CNKSR2: variants seen among roughly 807,000 people sequenced by gnomAD.
CNKSR2 encodes CNK homolog protein 2.
Under a neutral mutation model 84.4 loss-of-function variants are expected in CNKSR2, and 14 were observed. The ratio of observed to expected loss-of-function variants is 0.17; its 90% confidence interval spans 0.11 to 0.26. CNKSR2 has a LOEUF of 0.26. Ranked by LOEUF, CNKSR2 falls within the 10% of genes least tolerant of loss-of-function variation. The pLI is 1.00. For synonymous variants in CNKSR2, 275 were observed against 277.9 expected (o/e 0.99, Z 0.10); for missense variants, 485 against 771.2 (o/e 0.63, Z 4.40).
intron 6 of CNKSR2, chrX:21,494,456 A>G (rs991559958): frequency 2.4e-4 from 27 of 112,202 alleles, no homozygotes; most frequent in African/African-American, 8.1e-4. Context: ...GCATAGAGCA[A>G]TTTATTGCAA....
chrX:21,427,332 T>TA (rs1908559455), intron 2 of CNKSR2: 1 of 112,318 alleles, frequency 8.9e-6, no homozygotes. Flanking sequence ...GGTCAAATGT[T>TA]AAACTTCCTT....
intron 15 of CNKSR2, chrX:21,594,039 A>G (rs2092436893): frequency 8.9e-6 from 1 of 111,879 alleles, no homozygotes; most frequent in African/African-American, 3.3e-5. Flanking sequence ...TCATTGCAGC[A>G]CTATTCGTGA....
intron 4 of CNKSR2, among the ~76,000 whole-genome samples, chrX:21,465,639 T>A (rs2091117049): frequency 9.0e-6 from 1 of 111,250 alleles, no homozygotes; most frequent in Non-Finnish European, 1.9e-5. Context: ...TTTATGGCAT[T>A]TATAAAGTTC....
intron 20 of CNKSR2, among the ~76,000 whole-genome samples, chrX:21,636,062 TA>T (rs1270383738): frequency 1.8e-5 from 2 of 111,229 alleles, no homozygotes; most frequent in Non-Finnish European, 3.8e-5. Flanking sequence ...AAGAACCTAT[TA>T]AAGGAAATAG....
chrX:21,445,847 GTTGA>G (rs1284113707), intron 4 of CNKSR2, among the ~76,000 whole-genome samples: 1 of 111,451 alleles, frequency 9.0e-6, no homozygotes, highest in African/African-American at 3.3e-5. Flanking sequence ...CTATTCATCT[GTTGA>G]TTAACATTTA....
chrX:21,527,359 A>C (rs766875647), intron 10 of CNKSR2, among the ~76,000 whole-genome samples: 2 of 107,745 alleles, frequency 1.9e-5, no homozygotes, highest in Non-Finnish European at 1.9e-5. Flanking sequence ...CATTTCATAC[A>C]TTTTTTTTTT....
chrX:21,379,531 G>A (rs1200866684), intron 1 of CNKSR2, among the ~76,000 whole-genome samples: 1 of 112,057 alleles, frequency 8.9e-6, no homozygotes. Flanking sequence ...TCGTTCAGAA[G>A]AAATGTTATT....
At chrX:21,468,015 T>A (rs954343428) in intron 4 of CNKSR2, among the ~76,000 whole-genome samples, 1 of 111,424 alleles carries the variant, frequency 9.0e-6, no homozygotes, top group African/African-American at 3.3e-5. Context: ...AAATTTTAAA[T>A]AATTGGCCTT....
intron 1 of CNKSR2, chrX:21,423,172 G>T (rs971578102): frequency 9.0e-6 from 1 of 111,075 alleles, no homozygotes; most frequent in Non-Finnish European, 1.9e-5. Flanking sequence ...ATGACTTTTG[G>T]TATGGTACAA....
intron 1 of CNKSR2, among the ~76,000 whole-genome samples, chrX:21,414,129 T>C (rs767849399): frequency 1.8e-5 from 2 of 111,190 alleles, no homozygotes; most frequent in African/African-American, 6.5e-5. Context: ...GTTTTTAGTT[T>C]TTTGAGGAAC....
intron 4 of CNKSR2, among the ~76,000 whole-genome samples, chrX:21,442,207 C>G (rs1023761531): frequency 1.8e-5 from 2 of 109,717 alleles, no homozygotes; most frequent in African/African-American, 6.6e-5. Context: ...TTTCCGCCCC[C>G]CTCCCCAACA....
Position 21,531,977 on chromosome X carries a change from A to G in CNKSR2, c.1213A>G (p.Ile405Val). The G allele has an allele frequency of 8.3e-7, 1 of 1,199,201 alleles. No individual in the cohort carries two copies. The highest frequency in any genetic ancestry group is 1.1e-6 in the Non-Finnish European group (1 of 884,823). ...LDQEYRKRFN[I>V]VEEDTVLYCY... ...TCAGGAATATCGAAAGAGATTTAAT[A>G]TTGTCGAAGAAGATACTGTCTTATA... is the stretch of plus-strand genomic sequence containing the variant. The change falls in exon 11 of 22, where the codon ATT becomes GTT. Residue 405 changes from isoleucine (I) to valine (V), a missense_variant. By Grantham distance (29) the Ile-to-Val change is conservative. Around this residue, in one of 5 missense-constraint regions of CNKSR2, gnomAD observed 132 missense variants for 166.7 expected, o/e 0.79. Transcript: ENST00000379510.
At chrX:21,472,633 C>G (rs1331657743) in intron 5 of CNKSR2, among the ~76,000 whole-genome samples, 1 of 110,874 alleles carries the variant, frequency 9.0e-6, no homozygotes, top group Non-Finnish European at 1.9e-5. Flanking sequence ...AGGAATAGTT[C>G]CAGTTACAAA....
chrX:21,475,936 A>G (rs1033071015), intron 5 of CNKSR2, among the ~76,000 whole-genome samples: 1 of 111,407 alleles, frequency 9.0e-6, no homozygotes, highest in African/African-American at 3.3e-5. Flanking sequence ...TCCTTTGAGC[A>G]TCATGTCAGT....
chrX:21,504,597 A>C (rs2091593803), intron 8 of CNKSR2: 1 of 261,376 alleles, frequency 3.8e-6, no homozygotes, highest in Admixed American at 6.5e-5. Flanking sequence ...TTTCCCTAAG[A>C]GTCTAAGAAA....
chrX:21,654,283 A>AC lies in CNKSR2; in HGVS notation c.*1762_*1763insC, dbSNP rs1372976412. 3 of 106,869 alleles carry AC rather than the reference A, an allele frequency of 2.8e-5. No homozygotes were observed. The highest frequency in any genetic ancestry group is 5.8e-5 in the Non-Finnish European group (3 of 51,765). 8.8% of individuals were successfully genotyped at this position (106,869 alleles called of 1,213,427 possible). A position where few individuals can be genotyped will look rare whatever the true frequency, so the allele number is the denominator to read the frequency against. On this transcript the variant is annotated 3_prime_UTR_variant, in exon 22 of 22. Coordinates refer to ENST00000379510, the MANE Select transcript of CNKSR2 (RefSeq NM_014927.5). Reference sequence around the variant, plus strand: ...GGATTTTGTATATGTAAAAAAAAAAAAAAAAAAAAAACAAAAAACCTCTTG... The same window carrying AC: ...GGATTTTGTATATGTAAAAAAAAAAACAAAAAAAAAAACAAAAAACCTCTTG...
At chrX:21,461,692 C>G (rs1003284876) in intron 4 of CNKSR2, among the ~76,000 whole-genome samples, 19 of 112,269 alleles carry the variant, frequency 1.7e-4, no homozygotes, top group African/African-American at 6.2e-4. Context: ...GTCTTTAATC[C>G]ATTTTTATTT....
At chrX:21,521,391 A>T (rs2091782189) in intron 9 of CNKSR2, among the ~76,000 whole-genome samples, 1 of 110,880 alleles carries the variant, frequency 9.0e-6, no homozygotes, top group African/African-American at 3.3e-5. Flanking sequence ...CAGTCAAAGG[A>T]TCTAAGTCAC....
intron 8 of CNKSR2, among the ~76,000 whole-genome samples, chrX:21,514,184 G>A (rs1053122655): frequency 9.0e-6 from 1 of 111,458 alleles, no homozygotes; most frequent in African/African-American, 3.3e-5. Context: ...GGTTTTGGTT[G>A]ATTTAAACAA....
Sources: gnomAD v4.1 joint callset for allele counts (sites outside exome capture counted in the v4.1 genomes callset) on GRCh38, gnomAD v4.1.1 for gene constraint, gnomAD v4.1.1 regional missense constraint, MANE v1.5 for transcripts, NCBI Gene and HGNC (gene_info 2026-07-23, HGNC 2026-07-21) for gene names.